The following STXBP4 variants were observed in gnomAD, a reference collection of about 807,000 sequenced individuals.
STXBP4 encodes the protein syntaxin binding protein 4, also known as syntaxin-binding protein 4.
Under a neutral mutation model 76.1 loss-of-function variants are expected in STXBP4, and 55 were observed. The ratio of observed to expected loss-of-function variants is 0.72; its 90% CI spans 0.58 to 0.91. The LOEUF (loss-of-function observed/expected upper bound fraction) is 0.91, where lower values mean the gene tolerates loss of function less well. Among genes scored for constraint, STXBP4 ranks in the 40% least tolerant of loss-of-function variants. The pLI, the probability that STXBP4 is intolerant of heterozygous loss-of-function variation, is 0.00. For synonymous variants in STXBP4, 201 were observed against 220.2 expected, an observed-to-expected ratio of 0.91 and a Z score of 0.77; for missense variants, 618 against 636.9, an observed-to-expected ratio of 0.97 and a Z score of 0.32.
chr17:55,042,145 C>G (rs2078710674), intron 10 of STXBP4, among the ~76,000 whole-genome samples: 1 of 152,064 alleles, frequency 6.6e-6, no homozygotes, highest in Non-Finnish European at 1.5e-5. Flanking sequence ...TTCTGTTATT[C>G]TGGAGTTTGG....
chr17:55,084,356 A>T (rs1326647797), intron 16 of STXBP4, among the ~76,000 whole-genome samples: 2 of 152,094 alleles, frequency 1.3e-5, no homozygotes, highest in Non-Finnish European at 2.9e-5. Context: ...AATTTGTTTG[A>T]ATTCATTGTA....
intron 12 of STXBP4, among the ~76,000 whole-genome samples, chr17:55,054,617 A>G (rs1453828766): frequency 3.9e-5 from 6 of 152,196 alleles, no homozygotes. Context: ...TTGTCAAACT[A>G]CTTCACCTTT....
chr17:55,006,634 A>T (rs1382861662), intron 7 of STXBP4, among the ~76,000 whole-genome samples: 2 of 152,336 alleles, frequency 1.3e-5, no homozygotes, highest in East Asian at 3.9e-4. Context: ...TATATTGAGA[A>T]GATGTAGAAA....
intron 17 of STXBP4, 25 bp downstream of exon 17, chr17:55,141,392 TA>T: frequency 1.3e-6 from 2 of 1,598,738 alleles, no homozygotes; most frequent in Non-Finnish European, 1.7e-6. Context: ...CTCAACCAAG[TA>T]AGCAATTTTC....
intron 16 of STXBP4, among the ~76,000 whole-genome samples, chr17:55,125,836 C>G (rs1362735053): frequency 2.0e-5 from 3 of 152,058 alleles, no homozygotes; most frequent in Admixed American, 1.3e-4. Flanking sequence ...GTCTTTCTGG[C>G]CTATAGAACT....
intron 4 of STXBP4, among the ~76,000 whole-genome samples, chr17:54,992,092 G>A (rs778124957): frequency 3.9e-5 from 6 of 151,958 alleles, no homozygotes; most frequent in Non-Finnish European, 8.8e-5. Context: ...AGATAATAAG[G>A]CATCTTTTAA....
At chr17:55,194,665 G>A in the STXBP4 span, among the ~76,000 whole-genome samples, 38 of 152,296 alleles carry the variant, frequency 2.5e-4, no homozygotes, top group African/African-American at 8.7e-4. Flanking sequence ...GAAGGCACAA[G>A]CATCAATCAT....
At chr17:55,189,094 C>T in the STXBP4 span, among the ~76,000 whole-genome samples, 1 of 152,152 alleles carries the variant, frequency 6.6e-6, no homozygotes, top group South Asian at 2.1e-4. Flanking sequence ...GGCTAGAATC[C>T]ATGATTTCTC....
chr17:55,014,183 G>T (rs541943359), intron 8 of STXBP4, among the ~76,000 whole-genome samples: 1 of 152,090 alleles, frequency 6.6e-6, no homozygotes, highest in Non-Finnish European at 1.5e-5. Flanking sequence ...CTGCCTTTAG[G>T]GGGAGGGAGG....
intron 16 of STXBP4, among the ~76,000 whole-genome samples, chr17:55,122,926 T>A (rs1296237372): frequency 6.6e-6 from 1 of 152,206 alleles, no homozygotes; most frequent in Non-Finnish European, 1.5e-5. Flanking sequence ...CAAATCAAAG[T>A]GTACTTAAAA....
Position 55,051,919 on chromosome 17 carries a change from A to G in STXBP4, c.1011+4765A>G, listed in dbSNP as rs78711504. On this transcript the variant is annotated intron_variant, in intron 12 of 17. Coordinates refer to ENST00000376352, the MANE Select transcript of STXBP4 (RefSeq NM_178509.6). ...ATATATACAGATGTTCCTCAACACA[A>G]TGGGGCTATGTCCTGATACACCCAA... Among the ~76,000 whole-genome samples, 361 of 152,254 alleles carry G rather than the reference A, an allele frequency of 2.4e-3. 1 individual carries two copies. The highest frequency in any genetic ancestry group is 3.4e-3 in the Middle Eastern group (1 of 294).
intron 4 of STXBP4, among the ~76,000 whole-genome samples, chr17:54,997,612 A>AT (rs1490767444): frequency 6.2e-5 from 9 of 146,032 alleles, no homozygotes; most frequent in African/African-American, 2.2e-4. Flanking sequence ...ATATATATAT[A>AT]TATTTTTTTT....
chr17:55,114,045 C>A (rs546562673), intron 16 of STXBP4, among the ~76,000 whole-genome samples: 1 of 151,906 alleles, frequency 6.6e-6, no homozygotes, highest in Non-Finnish European at 1.5e-5. Flanking sequence ...ATCCAGTATC[C>A]AAAACAGAAT....
intron 8 of STXBP4, among the ~76,000 whole-genome samples, chr17:55,028,040 T>G (rs2144663567): frequency 6.6e-6 from 1 of 152,254 alleles, no homozygotes; most frequent in Middle Eastern, 3.4e-3. Context: ...TTTTTATATG[T>G]TTTGGTTACA....
chr17:55,104,049 A>G (rs2079598609), intron 16 of STXBP4, among the ~76,000 whole-genome samples: 3 of 152,168 alleles, frequency 2.0e-5, no homozygotes, highest in African/African-American at 4.8e-5. Flanking sequence ...GGTTTTCTAA[A>G]TATACAATCA....
At chr17:55,011,368 T>A (rs919042721) in intron 8 of STXBP4, among the ~76,000 whole-genome samples, 6 of 152,206 alleles carry the variant, frequency 3.9e-5, no homozygotes, top group African/African-American at 1.4e-4. Context: ...TCAGAACCTT[T>A]GACATTGCTA....
the STXBP4 span, among the ~76,000 whole-genome samples, chr17:55,211,812 T>TTG: frequency 6.9e-5 from 9 of 130,636 alleles, no homozygotes; most frequent in African/African-American, 2.6e-4. Flanking sequence ...TTTTTTTTTT[T>TTG]TTTTTTTTTT....
intron 1 of STXBP4, among the ~76,000 whole-genome samples, chr17:54,972,306 T>C (rs539034159): frequency 6.6e-6 from 1 of 152,352 alleles, no homozygotes; most frequent in Non-Finnish European, 1.5e-5. Context: ...GCCAGATTTC[T>C]CCATTGATGC....
At chr17:55,041,410 G>GTCTCATTATGTTGCCCAGGCTGA (rs1393954732) in intron 10 of STXBP4, among the ~76,000 whole-genome samples, 1 of 151,836 alleles carries the variant, frequency 6.6e-6, no homozygotes, top group Non-Finnish European at 1.5e-5. Context: ...TAGAGACATG[G>GTCTCATTATGTTGCCCAGGCTGA]TCTCATTATG....
Sources: gnomAD v4.1 joint callset for allele counts (sites outside exome capture counted in the v4.1 genomes callset) on GRCh38, gnomAD v4.1.1 for gene constraint, MANE v1.5 for transcripts, NCBI Gene and HGNC (gene_info 2026-07-23, HGNC 2026-07-21) for gene names.